The following SEMA6D variants were observed in gnomAD, a reference collection of about 807,000 sequenced individuals.
SEMA6D encodes the protein semaphorin 6D, also known as semaphorin-6D.
A neutral mutation model predicts 106.6 loss-of-function variants in SEMA6D; 35 were observed. That is an observed-to-expected ratio of 0.33 (90% CI 0.25 to 0.44). SEMA6D has a LOEUF of 0.44. Ranked by LOEUF, SEMA6D falls within the 20% of genes least tolerant of loss-of-function variation. The pLI, the probability that SEMA6D is intolerant of heterozygous loss-of-function variation, is 1.00. For synonymous variants in SEMA6D, 499 were observed against 487.7 expected, an observed-to-expected ratio of 1.02 and a Z score of -0.31; for missense variants, 1,185 against 1,345.9, an observed-to-expected ratio of 0.88 and a Z score of 1.87.
rs2082213790 is a variant in SEMA6D, at chr15:47,764,221, A to C, written c.1013A>C (p.Lys338Thr). The C allele has an allele frequency of 1.2e-6, 2 of 1,613,688 alleles. No individual in the cohort carries two copies. The highest frequency in any genetic ancestry group is 1.7e-6 in the Non-Finnish European group (2 of 1,179,812). The change falls in exon 11 of 19, where the codon AAA (lysine) becomes ACA (threonine). Residue 338 changes from lysine to threonine, a missense_variant. Transcript: ENST00000536845. Reference protein sequence around the residue: ...VCAFSMDDIEKVFKGRFKEQK... With the variant: ...VCAFSMDDIETVFKGRFKEQK... Reference sequence around the variant, plus strand: ...GCATTTAGCATGGATGACATTGAAAAAGTATTCAAAGGACGGTTTAAGGAA... The same window carrying C: ...GCATTTAGCATGGATGACATTGAAACAGTATTCAAAGGACGGTTTAAGGAA...
At chr15:47,626,632 T>C (rs2077206446) in intron 4 of SEMA6D, among the ~76,000 whole-genome samples, 1 of 152,194 alleles carries the variant, frequency 6.6e-6, no homozygotes. Context: ...GGGATTGTTA[T>C]TGTTGCTGCT....
chr15:47,722,668 G>A (rs2079491921), intron 1 of SEMA6D, among the ~76,000 whole-genome samples: 1 of 152,144 alleles, frequency 6.6e-6, no homozygotes, highest in African/African-American at 2.4e-5. Context: ...GTTTGGGTGT[G>A]AGTTAGCATG....
At chr15:47,343,272 A>ATTATTATTATTG (rs1016166275) in intron 1 of SEMA6D, among the ~76,000 whole-genome samples, 31 of 150,468 alleles carry the variant, frequency 2.1e-4, no homozygotes, top group Admixed American at 7.3e-4. Flanking sequence ...TATTATTATT[A>ATTATTATTATTG]TACTTTAAGT....
chr15:47,497,488 C>G (rs1208778132), intron 3 of SEMA6D, among the ~76,000 whole-genome samples: 2 of 152,162 alleles, frequency 1.3e-5, no homozygotes, highest in East Asian at 3.9e-4. Flanking sequence ...TATTTAGTTT[C>G]TTTTGAAATT....
At chr15:47,688,289 A>G (rs2078512797) in intron 4 of SEMA6D, among the ~76,000 whole-genome samples, 2 of 152,160 alleles carry the variant, frequency 1.3e-5, no homozygotes, top group African/African-American at 2.4e-5. Context: ...CATACTGACT[A>G]TTGGGTGCCA....
At chr15:47,661,864 C>T (rs1432110348) in intron 4 of SEMA6D, among the ~76,000 whole-genome samples, 3 of 152,228 alleles carry the variant, frequency 2.0e-5, no homozygotes, top group Non-Finnish European at 4.4e-5. Flanking sequence ...TTCAAACACT[C>T]TTATTGTCCC....
At chr15:47,551,749 G>T (rs575936324) in intron 3 of SEMA6D, among the ~76,000 whole-genome samples, 1 of 148,848 alleles carries the variant, frequency 6.7e-6, no homozygotes, top group African/African-American at 2.5e-5. Context: ...ATCCATTAAA[G>T]TCACGTGACC....
intron 1 of SEMA6D, among the ~76,000 whole-genome samples, chr15:47,400,760 T>G (rs1056710555): frequency 6.6e-6 from 1 of 152,262 alleles, no homozygotes; most frequent in Non-Finnish European, 1.5e-5. Flanking sequence ...TGTGGCCTAT[T>G]TCTAAAGCAC....
intron 1 of SEMA6D, among the ~76,000 whole-genome samples, chr15:47,227,008 C>T (rs987100659): frequency 3.9e-5 from 6 of 152,088 alleles, no homozygotes; most frequent in African/African-American, 1.4e-4. Context: ...ACAAGCTTTT[C>T]CTCCAAGCTC....
At chr15:47,277,740 C>T (rs1199817033) in intron 1 of SEMA6D, among the ~76,000 whole-genome samples, 1 of 151,816 alleles carries the variant, frequency 6.6e-6, no homozygotes, top group Non-Finnish European at 1.5e-5. Flanking sequence ...TTAGGTATAT[C>T]TCCCAATGCT....
intron 17 of SEMA6D, among the ~76,000 whole-genome samples, chr15:47,768,278 C>G (rs1310625934): frequency 6.6e-6 from 1 of 152,202 alleles, no homozygotes; most frequent in African/African-American, 2.4e-5. Context: ...AGCAACTAAT[C>G]TGCCCTGGGA....
chr15:47,724,947 T>C (rs1289783382), intron 1 of SEMA6D, among the ~76,000 whole-genome samples: 1 of 152,220 alleles, frequency 6.6e-6, no homozygotes, highest in Non-Finnish European at 1.5e-5. Context: ...TTGCCTCAAA[T>C]TACCCAGCAC....
At chr15:47,572,398 T>C (rs1475459811) in intron 3 of SEMA6D, among the ~76,000 whole-genome samples, 1 of 152,224 alleles carries the variant, frequency 6.6e-6, no homozygotes, top group Non-Finnish European at 1.5e-5. Context: ...CTTAAATTCT[T>C]TTATAATCAT....
chr15:47,573,457 A>G (rs1456403628), intron 3 of SEMA6D, among the ~76,000 whole-genome samples: 2 of 152,232 alleles, frequency 1.3e-5, no homozygotes, highest in African/African-American at 2.4e-5. Context: ...CTGATCTTAT[A>G]TTCACTCTAA....
At chr15:47,341,568 T>C (rs567123794) in intron 1 of SEMA6D, among the ~76,000 whole-genome samples, 8 of 152,276 alleles carry the variant, frequency 5.3e-5, no homozygotes, top group Non-Finnish European at 8.8e-5. Context: ...CCATCTATAA[T>C]ATAGGGATAA....
At chr15:47,318,583 C>T (rs2036789559) in intron 1 of SEMA6D, among the ~76,000 whole-genome samples, 1 of 148,856 alleles carries the variant, frequency 6.7e-6, no homozygotes, top group Non-Finnish European at 1.5e-5. Context: ...TATGTCCCTA[C>T]AAAGGACATG....
chr15:47,409,347 A>G (rs2040704766), intron 1 of SEMA6D, among the ~76,000 whole-genome samples: 1 of 152,218 alleles, frequency 6.6e-6, no homozygotes, highest in Non-Finnish European at 1.5e-5. Flanking sequence ...CCAATGAGAA[A>G]GTATGAGCTG....
intron 1 of SEMA6D, among the ~76,000 whole-genome samples, chr15:47,259,276 T>C (rs1452312693): frequency 6.6e-6 from 1 of 152,222 alleles, no homozygotes; most frequent in African/African-American, 2.4e-5. Context: ...TTCCCAATGC[T>C]GCAAGATACC....
At chr15:47,508,710 C>T (rs1187612927) in intron 3 of SEMA6D, among the ~76,000 whole-genome samples, 3 of 152,166 alleles carry the variant, frequency 2.0e-5, no homozygotes, top group East Asian at 3.9e-4. Flanking sequence ...ATTGTTATCC[C>T]GCAGGGAGTA....
Sources: gnomAD v4.1 joint callset for allele counts (sites outside exome capture counted in the v4.1 genomes callset) on GRCh38, gnomAD v4.1.1 for gene constraint, MANE v1.5 for transcripts, NCBI Gene and HGNC (gene_info 2026-07-23, HGNC 2026-07-21) for gene names.